Variants in CCDC148 observed in about 807,000 individuals in gnomAD.
The protein encoded by CCDC148 is coiled-coil domain containing 148.
Under a neutral mutation model 85.7 loss-of-function variants are expected in CCDC148, and 89 were observed. The observed-to-expected ratio is 1.04, with a 90% CI of 0.87 to 1.24. The LOEUF (loss-of-function observed/expected upper bound fraction) is 1.24. Ranked by LOEUF, CCDC148 falls within the 50% of genes most tolerant of loss-of-function variation. The pLI is 0.00. For missense variants in CCDC148, 692 were observed against 671.7 expected (o/e 1.03, Z -0.33); for synonymous variants, 230 against 213.9 (o/e 1.08, Z -0.66).
intron 1 of CCDC148, among the ~76,000 whole-genome samples, chr2:158,391,611 G>A (rs1407676738): frequency 1.3e-5 from 2 of 152,002 alleles, no homozygotes; most frequent in African/African-American, 4.8e-5. Context: ...CCTCTATTAG[G>A]AACCCACAAC....
At chr2:158,434,658 T>A (rs1362847841) in intron 1 of CCDC148, among the ~76,000 whole-genome samples, 1 of 152,092 alleles carries the variant, frequency 6.6e-6, no homozygotes, top group Non-Finnish European at 1.5e-5. Context: ...AATCAGACGA[T>A]CGGTAATAAC....
intron 9 of CCDC148, among the ~76,000 whole-genome samples, chr2:158,281,283 A>C (rs1402464545): frequency 6.6e-6 from 1 of 152,206 alleles, no homozygotes; most frequent in Non-Finnish European, 1.5e-5. Context: ...AAATCAGAGC[A>C]GAACTGAAGG....
chr2:158,349,916 G>T (rs1011331972), intron 2 of CCDC148, among the ~76,000 whole-genome samples: 1 of 152,066 alleles, frequency 6.6e-6, no homozygotes, highest in African/African-American at 2.4e-5. Flanking sequence ...GACTAAAAAT[G>T]GAAGCAAAAG....
intron 13 of CCDC148, among the ~76,000 whole-genome samples, chr2:158,174,623 T>C (rs1335010094): frequency 6.6e-6 from 1 of 152,078 alleles, no homozygotes; most frequent in Non-Finnish European, 1.5e-5. Context: ...TACAGCCTTC[T>C]ACACACCTAG....
intron 1 of CCDC148, among the ~76,000 whole-genome samples, chr2:158,359,565 A>G (rs1277320199): frequency 6.6e-6 from 1 of 152,190 alleles, no homozygotes; most frequent in Non-Finnish European, 1.5e-5. Context: ...CACCTCACCC[A>G]GGAAGCACAA....
intron 1 of CCDC148, among the ~76,000 whole-genome samples, chr2:158,453,060 T>C (rs1257226037): frequency 6.6e-6 from 1 of 152,252 alleles, no homozygotes; most frequent in African/African-American, 2.4e-5. Context: ...ATTCCAATTT[T>C]TTATTGTTCA....
chr2:158,302,898 C>CG (rs535389248), intron 9 of CCDC148, among the ~76,000 whole-genome samples: 271 of 152,042 alleles, frequency 1.8e-3, no homozygotes, highest in Non-Finnish European at 3.0e-3. Flanking sequence ...AGGCAGTAGT[C>CG]GGGGAAAACT....
intron 9 of CCDC148, among the ~76,000 whole-genome samples, chr2:158,277,127 A>T (rs1277950438): frequency 6.6e-6 from 1 of 152,232 alleles, no homozygotes; most frequent in Non-Finnish European, 1.5e-5. Flanking sequence ...GCAAATGTAT[A>T]GAGACTATAC....
intron 10 of CCDC148, among the ~76,000 whole-genome samples, chr2:158,228,287 T>C (rs1687662518): frequency 6.6e-6 from 1 of 152,102 alleles, no homozygotes; most frequent in South Asian, 2.1e-4. Context: ...AGAATTGCAA[T>C]CATTAAAAAG....
At chr2:158,276,226 T>C (rs1018069518) in intron 9 of CCDC148, among the ~76,000 whole-genome samples, 1 of 150,554 alleles carries the variant, frequency 6.6e-6, no homozygotes, top group Non-Finnish European at 1.5e-5. Flanking sequence ...AGGTCAGGAG[T>C]TCAAGACCAG....
intron 1 of CCDC148, among the ~76,000 whole-genome samples, chr2:158,397,751 A>G (rs1429053613): frequency 6.6e-6 from 1 of 152,150 alleles, no homozygotes; most frequent in Non-Finnish European, 1.5e-5. Context: ...CTAACATCAT[A>G]ATGACAGGAT....
chr2:158,358,624 A>C (rs1186069953), intron 1 of CCDC148, 54 bp from the exon 2 acceptor site: 3 of 1,300,814 alleles, frequency 2.3e-6, no homozygotes, highest in East Asian at 2.8e-5. Context: ...TGTTATTGGA[A>C]GTCAAAATAT....
At chr2:158,314,024 A>G in intron 7 of CCDC148, 130 bp from the exon 8 acceptor site, 1 of 784,204 alleles carries the variant, frequency 1.3e-6, no homozygotes, top group Non-Finnish European at 1.9e-6. Context: ...TAAATACATT[A>G]GCCAAATTTA....
At chr2:158,376,530 A>C (rs1684657541) in intron 1 of CCDC148, among the ~76,000 whole-genome samples, 1 of 152,120 alleles carries the variant, frequency 6.6e-6, no homozygotes, top group African/African-American at 2.4e-5. Context: ...TGCCTGGAAC[A>C]TGGTAGCCAC....
intron 1 of CCDC148, among the ~76,000 whole-genome samples, chr2:158,443,515 A>AAAAGAAAAGAAAAG (rs748433493): frequency 0.035 from 3,496 of 100,830 alleles, 120 homozygotes; most frequent in African/African-American, 0.069. Flanking sequence ...AAAAAAAAAA[A>AAAAGAAAAGAAAAG]AAAAAAAAGA....
chr2:158,271,486 C>A (rs1220758658), intron 9 of CCDC148, among the ~76,000 whole-genome samples: 1 of 152,166 alleles, frequency 6.6e-6, no homozygotes, highest in Non-Finnish European at 1.5e-5. Flanking sequence ...CACATCCATG[C>A]TGTATGCACT....
At chr2:158,224,818 A>G (rs1219667234) in intron 10 of CCDC148, among the ~76,000 whole-genome samples, 1 of 152,214 alleles carries the variant, frequency 6.6e-6, no homozygotes, top group African/African-American at 2.4e-5. Context: ...AAACATGGAA[A>G]GGAACAACCG....
intron 9 of CCDC148, among the ~76,000 whole-genome samples, chr2:158,298,848 A>C (rs530953627): frequency 1.1e-4 from 17 of 152,306 alleles, no homozygotes; most frequent in African/African-American, 4.1e-4. Context: ...ATATCTGGAT[A>C]ATCTCTGAGA....
chr2:158,276,522 C>T (rs1197295252), intron 9 of CCDC148, among the ~76,000 whole-genome samples: 2 of 152,018 alleles, frequency 1.3e-5, no homozygotes, highest in African/African-American at 2.4e-5. Flanking sequence ...CGCCACTGCA[C>T]TCCAGCCTGG....
Sources: allele counts gnomAD v4.1 joint callset (sites outside exome capture counted in the v4.1 genomes callset), GRCh38; gene constraint gnomAD v4.1.1; transcripts MANE v1.5; gene names NCBI Gene and HGNC (gene_info 2026-07-23, HGNC 2026-07-21).